KATNAL2: variants seen among roughly 807,000 people sequenced by gnomAD.
The protein encoded by KATNAL2 is katanin catalytic subunit A1 like 2.
Under a neutral mutation model 76.3 loss-of-function variants are expected in KATNAL2, and 52 were observed. That is an observed-to-expected ratio of 0.68 (90% CI 0.55 to 0.86). The LOEUF is 0.86. Among genes scored for constraint, KATNAL2 ranks in the 40% least tolerant of loss-of-function variants. The pLI, the probability that KATNAL2 is intolerant of heterozygous loss-of-function variation, is 0.00. For missense variants in KATNAL2, 660 were observed against 668.9 expected (o/e 0.99, Z 0.15); for synonymous variants, 243 against 244.2 (o/e 1.00, Z 0.05).
At chr18:47,059,702 C>T (rs550861841) in intron 8 of KATNAL2, 48 bp downstream of exon 8, 3 of 1,274,260 alleles carry the variant, frequency 2.4e-6, no homozygotes, top group East Asian at 2.3e-5. Context: ...ATTTCTTTTT[C>T]CTTTTAAACA....
Position 47,100,998 on chromosome 18 carries a change from CTG to C in KATNAL2, c.1612_1613del (p.Val538LeufsTer7). 3.1e-6 allele frequency: 5 copies of C among 1,614,042 alleles called. No individual in the cohort carries two copies. Among genetic ancestry groups the C allele is most frequent in the Non-Finnish European group, 4.2e-6 (5 of 1,179,980 alleles). On this transcript the variant is annotated frameshift_variant, in exon 18 of 18. Coordinates refer to ENST00000683218, the MANE Select transcript of KATNAL2 (RefSeq NM_001387690.1). LOFTEE classifies it high-confidence loss of function. ...TCAGACTGGCAAAGAGAGTTCGAGT[CTG>C]TCTGAAACCACATTTACCCTGACCT...
intron 3 of KATNAL2, among the ~76,000 whole-genome samples, chr18:46,953,290 T>C (rs1033699131): frequency 6.6e-6 from 1 of 152,210 alleles, no homozygotes; most frequent in East Asian, 1.9e-4. Context: ...TTGTCTTTCA[T>C]GTGGGATATT....
intron 1 of KATNAL2, among the ~76,000 whole-genome samples, chr18:46,921,277 G>A (rs781622301): frequency 1.2e-4 from 18 of 152,028 alleles, no homozygotes; most frequent in Admixed American, 9.2e-4. Context: ...ACAGGCACCC[G>A]CCACCATGCC....
At chr18:47,059,417 T>C in intron 7 of KATNAL2, 139 bp from the exon 8 acceptor site, 1 of 668,620 alleles carries the variant, frequency 1.5e-6, no homozygotes, top group South Asian at 1.7e-5. Flanking sequence ...TCTGCACAAA[T>C]GTGGCTAAGC....
intron 1 of KATNAL2, among the ~76,000 whole-genome samples, chr18:46,923,272 C>T (rs1264228133): frequency 4.2e-5 from 6 of 141,688 alleles, no homozygotes; most frequent in Non-Finnish European, 9.0e-5. Flanking sequence ...TTCCTGTGTC[C>T]ATGTGTTCTC....
At chr18:46,960,020 C>G (rs1201473826) in intron 3 of KATNAL2, among the ~76,000 whole-genome samples, 1 of 152,192 alleles carries the variant, frequency 6.6e-6, no homozygotes, top group African/African-American at 2.4e-5. Flanking sequence ...AACTGGAAAA[C>G]TGGACTAAAC....
chr18:46,961,631 A>T (rs2059959037), intron 3 of KATNAL2, among the ~76,000 whole-genome samples: 1 of 152,214 alleles, frequency 6.6e-6, no homozygotes. Flanking sequence ...TGCCAAACCT[A>T]TACAGGCATA....
intron 15 of KATNAL2, among the ~76,000 whole-genome samples, chr18:47,085,232 A>G (rs1034156003): frequency 2.0e-5 from 3 of 152,158 alleles, no homozygotes; most frequent in Non-Finnish European, 2.9e-5. Flanking sequence ...AATTTGTGAA[A>G]TGGTAGTTTT....
intron 1 of KATNAL2, among the ~76,000 whole-genome samples, chr18:46,940,127 T>C (rs1290656618): frequency 6.6e-6 from 1 of 152,164 alleles, no homozygotes; most frequent in Non-Finnish European, 1.5e-5. Flanking sequence ...TTTCCTAAAA[T>C]TAGGAGTTAG....
chr18:47,034,326 C>G (rs377063771), intron 3 of KATNAL2: 6 of 1,612,570 alleles, frequency 3.7e-6, no homozygotes, highest in Non-Finnish European at 4.2e-6. Flanking sequence ...TCTTCTTGTT[C>G]GAGTGACTGT....
intron 10 of KATNAL2, among the ~76,000 whole-genome samples, chr18:47,064,455 C>T (rs1329899746): frequency 1.3e-5 from 2 of 152,010 alleles, no homozygotes; most frequent in Non-Finnish European, 2.9e-5. Context: ...GTGAGCAGTA[C>T]CCAGGGCTGA....
intron 1 of KATNAL2, among the ~76,000 whole-genome samples, chr18:46,923,926 G>GT (rs1490817523): frequency 1.3e-5 from 2 of 152,058 alleles, no homozygotes; most frequent in African/African-American, 4.8e-5. Flanking sequence ...AGGGTTGTTT[G>GT]TTTTTTTCTT....
intron 7 of KATNAL2, among the ~76,000 whole-genome samples, chr18:47,059,085 G>A (rs1334667446): frequency 6.6e-6 from 1 of 152,190 alleles, no homozygotes; most frequent in Non-Finnish European, 1.5e-5. Flanking sequence ...TTGGTCAAAA[G>A]GATTCTCTCC....
intron 14 of KATNAL2, 113 bp downstream of exon 14, chr18:47,075,481 T>G (rs1389787516): frequency 4.5e-6 from 3 of 663,618 alleles, no homozygotes; most frequent in Non-Finnish European, 6.7e-6. Context: ...ATGAGCCCAT[T>G]AATAAGCCCA....
intron 3 of KATNAL2, among the ~76,000 whole-genome samples, chr18:46,953,776 A>T (rs1469629001): frequency 6.6e-6 from 1 of 152,134 alleles, no homozygotes; most frequent in African/African-American, 2.4e-5. Flanking sequence ...AAGATATAAA[A>T]AATGAGACAC....
intron 1 of KATNAL2, among the ~76,000 whole-genome samples, chr18:46,944,006 C>G (rs951141455): frequency 6.6e-6 from 1 of 152,220 alleles, no homozygotes; most frequent in East Asian, 1.9e-4. Flanking sequence ...GTCTTATTTG[C>G]GAAAACTATT....
chr18:47,046,757 ATT>A (rs1395406704), intron 4 of KATNAL2, among the ~76,000 whole-genome samples: 1 of 152,148 alleles, frequency 6.6e-6, no homozygotes. Flanking sequence ...GAGCCAATAC[ATT>A]ATTAACTGAA....
At chr18:47,033,433 A>G (rs755404558) in intron 3 of KATNAL2, 2 of 1,613,756 alleles carry the variant, frequency 1.2e-6, no homozygotes, top group East Asian at 4.5e-5. Flanking sequence ...GGCGTCCGGA[A>G]GCCGCAGGTA....
At chr18:47,035,123 C>T (rs1168343015) in intron 3 of KATNAL2, 3 of 1,611,554 alleles carry the variant, frequency 1.9e-6, no homozygotes, top group Admixed American at 3.3e-5. Context: ...TTTCTGATTC[C>T]AGTCTCCGCC....
Sources: allele counts gnomAD v4.1 joint callset (sites outside exome capture counted in the v4.1 genomes callset), GRCh38; gene constraint gnomAD v4.1.1; transcripts MANE v1.5; gene names NCBI Gene and HGNC (gene_info 2026-07-23, HGNC 2026-07-21).